The following FBN1 variants were observed in gnomAD, a reference collection of about 807,000 sequenced individuals.
FBN1 encodes fibrillin 1, also known as fibrillin-1.
A neutral mutation model predicts 365.1 loss-of-function variants in FBN1; 29 were observed. The observed-to-expected ratio is 0.08, with a 90% CI of 0.06 to 0.11. FBN1 has a LOEUF of 0.11. Ranked by LOEUF, FBN1 falls within the 10% of genes least tolerant of loss-of-function variation. The pLI, the probability that FBN1 is intolerant of heterozygous loss-of-function variation, is 1.00. For missense variants in FBN1, 2,476 were observed against 3,703.2 expected (o/e 0.67, Z 8.60); for synonymous variants, 1,210 against 1,270.5 (o/e 0.95, Z 1.01).
At chr15:48,615,431 A>C (rs1889633376) in intron 2 of FBN1, among the ~76,000 whole-genome samples, 1 of 152,238 alleles carries the variant, frequency 6.6e-6, no homozygotes, top group Non-Finnish European at 1.5e-5. Context: ...CCTACAAAGC[A>C]AAATATTCTA....
intron 10 of FBN1, 94 bp downstream of exon 10, chr15:48,520,565 C>T (rs1283869324): frequency 1.4e-6 from 2 of 1,455,072 alleles, no homozygotes; most frequent in Non-Finnish European, 1.9e-6. Context: ...TACTCATTTA[C>T]CCAAGTTTCC....
chr15:48,632,991 T>A (rs1890015923), intron 2 of FBN1, among the ~76,000 whole-genome samples: 1 of 152,214 alleles, frequency 6.6e-6, no homozygotes, highest in Non-Finnish European at 1.5e-5. Flanking sequence ...TTTGTCTACT[T>A]AAAGGCTGCA....
intron 46 of FBN1, among the ~76,000 whole-genome samples, chr15:48,447,977 T>C (rs944907754): frequency 1.1e-4 from 16 of 152,218 alleles, no homozygotes; most frequent in African/African-American, 3.9e-4. Context: ...AGAAAGAAAG[T>C]TGGGCAGGAT....
At chr15:48,511,343 T>C (rs758144821) in intron 13 of FBN1, among the ~76,000 whole-genome samples, 1 of 152,132 alleles carries the variant, frequency 6.6e-6, no homozygotes, top group Non-Finnish European at 1.5e-5. Context: ...TTCTCTCTCG[T>C]TTATTTCTTA....
intron 15 of FBN1, among the ~76,000 whole-genome samples, chr15:48,507,537 G>C (rs1451527635): frequency 6.6e-6 from 1 of 152,186 alleles, no homozygotes; most frequent in Non-Finnish European, 1.5e-5. Context: ...AGGTCATAGA[G>C]AATGTAGGTA....
chr15:48,437,240 G>T, intron 52 of FBN1, 82 bp downstream of exon 52: 1 of 1,374,744 alleles, frequency 7.3e-7, no homozygotes, highest in Non-Finnish European at 1.0e-6. Context: ...TTCCAAGATA[G>T]ATGGAGAAAA....
intron 2 of FBN1, among the ~76,000 whole-genome samples, chr15:48,614,952 G>C (rs1423974734): frequency 1.3e-5 from 2 of 152,166 alleles, no homozygotes; most frequent in African/African-American, 4.8e-5. Flanking sequence ...TCAACCCTTT[G>C]TCCCTCCATG....
chr15:48,427,767 C>T lies in FBN1; in HGVS notation c.7004G>A (p.Arg2335Gln), dbSNP rs761248433. The T allele has an allele frequency of 1.2e-6, 2 of 1,613,290 alleles. No individual in the cohort carries two copies. The highest frequency in any genetic ancestry group is 1.7e-5 in the Admixed American group (1 of 59,992). The part of the protein sequence containing the change: ...SPNQDECLDN[R>Q]EGYCFTEVLQ... ...CACCTCTGTGAAGCAGTACCCTTCC[C>T]GATTGTCTGGAAGGGACATTATATG... The change falls in exon 58 of 66, where the codon CGG (arginine) becomes CAG (glutamine). Residue 2335 changes from arginine to glutamine, a missense_variant. Physicochemically the swap from Arg to Gln is conservative, Grantham distance 43. Coordinates refer to ENST00000316623, the MANE Select transcript of FBN1 (RefSeq NM_000138.5).
chr15:48,485,358 G>A lies in FBN1; in HGVS notation c.3712+16C>T. 1 of 1,614,124 alleles carries A rather than the reference G, an allele frequency of 6.2e-7. No homozygotes were observed. The highest frequency in any genetic ancestry group is 8.5e-7 in the Non-Finnish European group (1 of 1,180,016). On this transcript the variant is annotated intron_variant, in intron 30 of 65. Coordinates refer to ENST00000316623, the MANE Select transcript of FBN1 (RefSeq NM_000138.5). ...AACCTACTGAGAGATTCAACATGAGGCTAGAACCTACTCACCGGTGCATGA... is the reference window on the plus strand; with the variant it reads ...AACCTACTGAGAGATTCAACATGAGACTAGAACCTACTCACCGGTGCATGA...
chr15:48,614,220 G>T (rs1037818723), intron 2 of FBN1, among the ~76,000 whole-genome samples: 1 of 152,188 alleles, frequency 6.6e-6, no homozygotes, highest in Admixed American at 6.5e-5. Context: ...AGCTGCTAGC[G>T]ATCAGGGGCT....
At chr15:48,458,009 G>C (rs2043253672) in intron 43 of FBN1, among the ~76,000 whole-genome samples, 1 of 152,144 alleles carries the variant, frequency 6.6e-6, no homozygotes, top group Non-Finnish European at 1.5e-5. Context: ...CAACACTTTT[G>C]TTATCCTGGA....
chr15:48,483,381 C>T (rs892668447), intron 31 of FBN1, among the ~76,000 whole-genome samples: 1 of 152,046 alleles, frequency 6.6e-6, no homozygotes, highest in Non-Finnish European at 1.5e-5. Context: ...GATTAGAGAT[C>T]GTAGAAGAAA....
At chr15:48,492,363 CTG>C in intron 24 of FBN1, 96 bp downstream of exon 24, 1 of 1,229,738 alleles carries the variant, frequency 8.1e-7, no homozygotes, top group African/African-American at 1.5e-5. Context: ...GAGTGTGTGT[CTG>C]TACCTGAAGC....
At chr15:48,608,222 G>C (rs1392979723) in intron 4 of FBN1, among the ~76,000 whole-genome samples, 1 of 152,176 alleles carries the variant, frequency 6.6e-6, no homozygotes, top group Non-Finnish European at 1.5e-5. Flanking sequence ...TCATATTCAA[G>C]TGGGAAAACT....
chr15:48,615,236 T>A (rs1051483541), intron 2 of FBN1, among the ~76,000 whole-genome samples: 1 of 152,006 alleles, frequency 6.6e-6, no homozygotes, highest in African/African-American at 2.4e-5. Context: ...GTCAGAGCAC[T>A]CCTGAGCCTT....
At chr15:48,530,502 T>A (rs904553136) in intron 8 of FBN1, among the ~76,000 whole-genome samples, 1 of 151,938 alleles carries the variant, frequency 6.6e-6, no homozygotes, top group African/African-American at 2.4e-5. Context: ...CCACGGGGCA[T>A]CAAGGACGGG....
At chr15:48,502,972 GT>G (rs996595465) in intron 17 of FBN1, among the ~76,000 whole-genome samples, 1 of 152,186 alleles carries the variant, frequency 6.6e-6, no homozygotes, top group East Asian at 1.9e-4. Flanking sequence ...GAGAAAAATA[GT>G]TTTTTCTCTC....
intron 43 of FBN1, 94 bp downstream of exon 43, chr15:48,460,152 T>C: frequency 5.7e-6 from 5 of 880,206 alleles, no homozygotes; most frequent in East Asian, 2.5e-5. Flanking sequence ...TGTTTAATAT[T>C]TTTTTTCCTT....
intron 6 of FBN1, among the ~76,000 whole-genome samples, chr15:48,577,265 C>T (rs951740529): frequency 2.0e-5 from 3 of 152,132 alleles, no homozygotes; most frequent in Non-Finnish European, 4.4e-5. Context: ...TGAGCACTTG[C>T]TGTACAGAAA....
Sources: allele counts gnomAD v4.1 joint callset (sites outside exome capture counted in the v4.1 genomes callset), GRCh38; gene constraint gnomAD v4.1.1; transcripts MANE v1.5; gene names NCBI Gene and HGNC (gene_info 2026-07-23, HGNC 2026-07-21).